PARP8: variants seen among roughly 807,000 people sequenced by gnomAD.
The protein encoded by PARP8 is poly(ADP-ribose) polymerase family member 8, also known as protein mono-ADP-ribosyltransferase PARP8.
A neutral mutation model predicts 124.1 loss-of-function variants in PARP8; 51 were observed. That is an observed-to-expected ratio of 0.41 (90% CI 0.33 to 0.52). The LOEUF (loss-of-function observed/expected upper bound fraction) is 0.52. PARP8 is among the 20% of genes least tolerant of loss of function. The pLI is 0.21. For synonymous variants in PARP8, 391 were observed against 361.5 expected (o/e 1.08, Z -0.93); for missense variants, 860 against 1,018.9 (o/e 0.84, Z 2.12).
At chr5:50,764,684 T>C (rs1175683600) in intron 7 of PARP8, among the ~76,000 whole-genome samples, 2 of 152,318 alleles carry the variant, frequency 1.3e-5, no homozygotes, top group Admixed American at 6.5e-5. Flanking sequence ...GCTGCAATAA[T>C]TTTACATTGA....
intron 25 of PARP8, among the ~76,000 whole-genome samples, chr5:50,839,353 C>T (rs1747920388): frequency 6.6e-6 from 1 of 151,908 alleles, no homozygotes; most frequent in African/African-American, 2.4e-5. Flanking sequence ...CTCTTAAATT[C>T]TGTTGCTTTC....
At chr5:50,757,508 A>T (rs1312403669) in intron 3 of PARP8, among the ~76,000 whole-genome samples, 1 of 152,138 alleles carries the variant, frequency 6.6e-6, no homozygotes, top group Admixed American at 6.6e-5. Context: ...ATGTCATAAA[A>T]CCTGGAAACA....
intron 3 of PARP8, among the ~76,000 whole-genome samples, chr5:50,750,816 T>C (rs1202017606): frequency 6.6e-6 from 1 of 152,150 alleles, no homozygotes; most frequent in African/African-American, 2.4e-5. Context: ...TGTACAGTTA[T>C]ACAATGAAGT....
At chr5:50,747,163 G>GTTTTTTTTTTTTTTTTTTTTTTGTTT (rs1211253892) in intron 2 of PARP8, among the ~76,000 whole-genome samples, 1 of 95,504 alleles carries the variant, frequency 1.0e-5, no homozygotes, top group Non-Finnish European at 2.0e-5. Context: ...TGTTTGTTTT[G>GTTTTTTTTTTTTTTTTTTTTTTGTTT]TTTTTTTTTT....
chr5:50,803,353 T>C (rs899357593), intron 14 of PARP8, among the ~76,000 whole-genome samples: 1 of 152,200 alleles, frequency 6.6e-6, no homozygotes, highest in African/African-American at 2.4e-5. Flanking sequence ...TTCTTGGAAG[T>C]GTAGATTAAT....
chr5:50,757,267 T>TAA, intron 3 of PARP8: 24 of 391,518 alleles, frequency 6.1e-5, no homozygotes, highest in African/African-American at 1.5e-4. Flanking sequence ...GACTGAATCA[T>TAA]AAAAAAAAAC....
chr5:50,811,167 C>A (rs1744393845), intron 14 of PARP8, among the ~76,000 whole-genome samples: 1 of 152,064 alleles, frequency 6.6e-6, no homozygotes, highest in African/African-American at 2.4e-5. Context: ...AAAAGTGTTT[C>A]CATAAAGTAA....
chr5:50,794,978 A>T lies in PARP8; in HGVS notation c.989A>T (p.Asp330Val). The T allele has an allele frequency of 1.2e-6, 2 of 1,614,186 alleles. No homozygotes were observed. The highest frequency in any genetic ancestry group is 1.7e-6 in the Non-Finnish European group (2 of 1,180,028). The change falls in exon 12 of 26, where the codon GAT (aspartate) becomes GTT (valine). Residue 330 changes from aspartate to valine, a missense_variant. Coordinates refer to ENST00000281631, the MANE Select transcript of PARP8 (RefSeq NM_024615.4). ...RTCSSTVKTD[D>V]VCVTKSHRTF... ...TGTTCCAGCACAGTCAAGACTGATG[A>T]TGTGTGTGTCACAAAGTCACACAGG...
chr5:50,838,517 C>T (rs1431067205), intron 25 of PARP8, among the ~76,000 whole-genome samples: 1 of 151,874 alleles, frequency 6.6e-6, no homozygotes, highest in Non-Finnish European at 1.5e-5. Context: ...GAAAATTTTC[C>T]ATATTATCCC....
At chr5:50,673,118 A>T (rs1750227634) in intron 2 of PARP8, among the ~76,000 whole-genome samples, 1 of 152,160 alleles carries the variant, frequency 6.6e-6, no homozygotes, top group Admixed American at 6.5e-5. Context: ...TTGATTTTTT[A>T]AAAGTGTGTT....
chr5:50,821,458 C>T, intron 16 of PARP8, 120 bp downstream of exon 16: 1 of 1,076,438 alleles, frequency 9.3e-7, no homozygotes, highest in South Asian at 1.7e-5. Flanking sequence ...TCAAGCATAT[C>T]CATGAGTATT....
At chr5:50,836,704 A>T (rs1198443189) in intron 25 of PARP8, among the ~76,000 whole-genome samples, 6 of 152,208 alleles carry the variant, frequency 3.9e-5, no homozygotes, top group Non-Finnish European at 8.8e-5. Flanking sequence ...TATTATGAGG[A>T]TTAATTTAGC....
At chr5:50,759,265 T>G (rs1760296085) in intron 3 of PARP8, among the ~76,000 whole-genome samples, 1 of 152,078 alleles carries the variant, frequency 6.6e-6, no homozygotes, top group South Asian at 2.1e-4. Context: ...TTTTTCAGTT[T>G]TCTCTCTCCA....
At chr5:50,805,152 A>G (rs545325877) in intron 14 of PARP8, among the ~76,000 whole-genome samples, 32 of 152,282 alleles carry the variant, frequency 2.1e-4, no homozygotes, top group Non-Finnish European at 3.2e-4. Flanking sequence ...TTTTGCTGAT[A>G]TCATTCCTTA....
intron 2 of PARP8, among the ~76,000 whole-genome samples, chr5:50,708,175 C>CT (rs1260344425): frequency 6.6e-6 from 1 of 151,974 alleles, no homozygotes; most frequent in East Asian, 1.9e-4. Flanking sequence ...CCTAAATAGT[C>CT]TAACACATCA....
At chr5:50,710,101 G>A (rs567253779) in intron 2 of PARP8, among the ~76,000 whole-genome samples, 11 of 151,664 alleles carry the variant, frequency 7.3e-5, no homozygotes, top group African/African-American at 2.7e-4. Context: ...TTTGGACAGA[G>A]ACAATTCATA....
At chr5:50,749,302 C>T (rs1268776636) in intron 2 of PARP8, among the ~76,000 whole-genome samples, 4 of 152,082 alleles carry the variant, frequency 2.6e-5, no homozygotes, top group African/African-American at 7.2e-5. Context: ...TTTGACTTTT[C>T]TGTGGCAGGT....
chr5:50,835,904 G>C (rs1252017863), intron 25 of PARP8, among the ~76,000 whole-genome samples: 1 of 152,170 alleles, frequency 6.6e-6, no homozygotes, highest in African/African-American at 2.4e-5. Context: ...TTCCCATGCT[G>C]TTCCCACCTT....
At chr5:50,779,147 T>C (rs1167185432) in intron 9 of PARP8, among the ~76,000 whole-genome samples, 7 of 152,070 alleles carry the variant, frequency 4.6e-5, no homozygotes, top group African/African-American at 1.7e-4. Context: ...CAAAATTTAC[T>C]TGGTAAAATG....
Sources: gnomAD v4.1 joint callset for allele counts (sites outside exome capture counted in the v4.1 genomes callset) on GRCh38, gnomAD v4.1.1 for gene constraint, MANE v1.5 for transcripts, NCBI Gene and HGNC (gene_info 2026-07-23, HGNC 2026-07-21) for gene names.